The following OPHN1 variants were observed in gnomAD, a reference collection of about 807,000 sequenced individuals.
OPHN1 encodes the protein oligophrenin 1.
Under a neutral mutation model 60.7 loss-of-function variants are expected in OPHN1, and 11 were observed. The observed-to-expected ratio is 0.18, with a 90% CI of 0.11 to 0.30. OPHN1 has a LOEUF of 0.30. Ranked by LOEUF, OPHN1 falls within the 10% of genes least tolerant of loss-of-function variation. The probability of loss-of-function intolerance (pLI) is 1.00; values close to 1 mark genes in which losing one functional copy is unlikely to be tolerated. For missense variants in OPHN1, 449 were observed against 611.0 expected (o/e 0.73, Z 2.80); for synonymous variants, 226 against 222.6 (o/e 1.02, Z -0.14).
chrX:68,063,105 A>G (rs1284202253), intron 21 of OPHN1, among the ~76,000 whole-genome samples: 1 of 111,242 alleles, frequency 9.0e-6, no homozygotes, highest in Non-Finnish European at 1.9e-5. Flanking sequence ...CCTGTGAGAC[A>G]TGGTAAGATT....
chrX:68,306,515 G>C (rs2078145835), intron 2 of OPHN1, among the ~76,000 whole-genome samples: 1 of 112,152 alleles, frequency 8.9e-6, no homozygotes, highest in Admixed American at 9.5e-5. Flanking sequence ...GAATGAAGGA[G>C]AAGGAAAATA....
intron 7 of OPHN1, among the ~76,000 whole-genome samples, chrX:68,213,263 C>G (rs1408812077): frequency 9.0e-6 from 1 of 111,290 alleles, no homozygotes; most frequent in Admixed American, 9.6e-5. Flanking sequence ...CCCAGTTACT[C>G]AGGAGGCTGA....
At chrX:68,163,196 T>C (rs2077342447) in intron 15 of OPHN1, among the ~76,000 whole-genome samples, 1 of 111,738 alleles carries the variant, frequency 8.9e-6, no homozygotes, top group South Asian at 3.7e-4. Flanking sequence ...AAATGGTTCT[T>C]AAAATGCACA....
intron 2 of OPHN1, among the ~76,000 whole-genome samples, chrX:68,329,776 C>T (rs1261363127): frequency 8.9e-6 from 1 of 111,894 alleles, no homozygotes; most frequent in East Asian, 2.8e-4. Flanking sequence ...TAAATGCCTG[C>T]TGGGCATATA....
At chrX:68,168,162 A>G (rs1405856326) in intron 15 of OPHN1, among the ~76,000 whole-genome samples, 1 of 111,048 alleles carries the variant, frequency 9.0e-6, no homozygotes, top group African/African-American at 3.3e-5. Flanking sequence ...CCTAATAGAC[A>G]TCTACAGAAC....
At chrX:68,367,181 T>C (rs1267888827) in intron 2 of OPHN1, among the ~76,000 whole-genome samples, 1 of 109,176 alleles carries the variant, frequency 9.2e-6, no homozygotes, top group African/African-American at 3.3e-5. Context: ...TGAAACCATG[T>C]CTCTACTAAA....
intron 15 of OPHN1, chrX:68,132,764 G>C: frequency 8.1e-6 from 1 of 123,995 alleles, no homozygotes; most frequent in Non-Finnish European, 1.6e-5. Context: ...AAGAAAAAAA[G>C]AAAAAGAAAC....
intron 19 of OPHN1, among the ~76,000 whole-genome samples, chrX:68,094,466 G>T (rs7877300): frequency 0.02 from 2,211 of 111,593 alleles, 70 homozygotes; most frequent in African/African-American, 0.069. Flanking sequence ...AGCTCTTGCT[G>T]GGATTTTGAT....
rs1345555349 is a variant in OPHN1 at position 68,048,405 on chromosome X, G to A, written c.*8+11C>T. ...AACAAGATTTTGTAATCAGGGATGG[G>A]GACTGCATACCTGTAGCCTCAACTT... On this transcript the variant is annotated intron_variant, in intron 24 of 24. Transcript: ENST00000355520. 8.3e-7 allele frequency: 1 copy of A among 1,203,235 alleles called. No individual in the cohort carries two copies. Among genetic ancestry groups the A allele is most frequent in the South Asian group, 1.8e-5 (1 of 56,710 alleles).
chrX:68,219,501 C>T (rs1395270332), intron 6 of OPHN1, among the ~76,000 whole-genome samples: 6 of 108,635 alleles, frequency 5.5e-5, no homozygotes, highest in Admixed American at 3.0e-4. Context: ...CACACCACAC[C>T]TATTCCAAAA....
chrX:68,202,077 G>T (rs1372812070), intron 10 of OPHN1, among the ~76,000 whole-genome samples: 1 of 111,495 alleles, frequency 9.0e-6, no homozygotes, highest in Non-Finnish European at 1.9e-5. Context: ...CCTCTGGGGA[G>T]GGAAATTGTG....
At chrX:68,340,208 T>C (rs1351898964) in intron 2 of OPHN1, among the ~76,000 whole-genome samples, 2 of 112,064 alleles carry the variant, frequency 1.8e-5, no homozygotes, top group Non-Finnish European at 3.8e-5. Context: ...GAAGTTGACA[T>C]GGTGATCTGA....
At chrX:68,188,531 G>T (rs938996261) in intron 15 of OPHN1, among the ~76,000 whole-genome samples, 2 of 111,800 alleles carry the variant, frequency 1.8e-5, no homozygotes, top group African/African-American at 6.5e-5. Flanking sequence ...CATATACAAG[G>T]ATCTGGCTTT....
intron 2 of OPHN1, among the ~76,000 whole-genome samples, chrX:68,386,300 G>A (rs982838881): frequency 9.0e-6 from 1 of 111,541 alleles, no homozygotes; most frequent in African/African-American, 3.3e-5. Context: ...TGAGAAGATG[G>A]CTTTGGGAAA....
At chrX:68,183,503 A>G (rs2077447875) in intron 15 of OPHN1, among the ~76,000 whole-genome samples, 1 of 112,116 alleles carries the variant, frequency 8.9e-6, no homozygotes, top group African/African-American at 3.2e-5. Flanking sequence ...AAGGTTAACC[A>G]CTAAAGACAA....
chrX:68,124,230 G>A, intron 15 of OPHN1, among the ~76,000 whole-genome samples: 1 of 110,941 alleles, frequency 9.0e-6, no homozygotes, highest in East Asian at 2.8e-4. Flanking sequence ...TTTCATGTTT[G>A]AAGGACATTT....
At chrX:68,286,694 C>A (rs1237520887) in intron 3 of OPHN1, among the ~76,000 whole-genome samples, 1 of 111,624 alleles carries the variant, frequency 9.0e-6, no homozygotes, top group Non-Finnish European at 1.9e-5. Context: ...AACTGTAGTA[C>A]TAAACAACTG....
rs1480516013 is a variant in OPHN1, at chrX:68,433,011, G to C, written c.10C>G (p.Pro4Ala). 1.7e-6 allele frequency: 2 copies of C among 1,205,606 alleles called. No homozygotes were observed. The highest frequency in any genetic ancestry group is 1.1e-6 in the Non-Finnish European group (1 of 892,185). ...TAGCAGTCGCTGAACTCCAGCGGGG[G>C]ATGACCCATGGTTCTGATGGCCGGG... MGH[P>A]PLEFSDCYLD... The change falls in exon 2 of 25, where the codon CCC becomes GCC. Residue 4 changes from proline (P) to alanine (A), a missense_variant. Pro to Ala is a conservative substitution (Grantham distance 27). This residue lies in a region of OPHN1 where 99 missense variants were observed against 155.2 expected (regional missense o/e 0.64). Coordinates refer to ENST00000355520, the MANE Select transcript of OPHN1 (RefSeq NM_002547.3).
chrX:68,267,678 A>C lies in OPHN1; in HGVS notation c.384+7060T>G, dbSNP rs190079926. Among the ~76,000 whole-genome samples, 3 of 112,541 alleles carry C rather than the reference A, an allele frequency of 2.7e-5. No homozygotes were observed. In the East Asian group the frequency reaches 8.4e-4, roughly 32 times the overall value. On this transcript the variant is annotated intron_variant, in intron 5 of 24. Coordinates refer to ENST00000355520, the MANE Select transcript of OPHN1 (RefSeq NM_002547.3). ...GCAGAAGGCAACAAATAGTTAATGA[A>C]GATCAGAGCAGAACTGAAGGAAACA...
Sources: allele counts gnomAD v4.1 joint callset (sites outside exome capture counted in the v4.1 genomes callset), GRCh38; gene constraint gnomAD v4.1.1; regional missense constraint gnomAD v4.1.1; transcripts MANE v1.5; gene names NCBI Gene and HGNC (gene_info 2026-07-23, HGNC 2026-07-21).